Variants in PMS1 observed in about 807,000 individuals in gnomAD.
The protein encoded by PMS1 is PMS1 homolog 1, mismatch repair system component, also known as PMS1 protein homolog 1.
PMS1 carries 79 observed loss-of-function variants against 93.1 expected under a neutral mutation model. That is an observed-to-expected ratio of 0.85 (90% CI 0.71 to 1.02). PMS1 has a LOEUF of 1.02. Ranked by LOEUF, PMS1 falls within the 50% of genes least tolerant of loss-of-function variation. PMS1 has a pLI of 0.00. For missense variants in PMS1, 1,064 were observed against 1,085.3 expected (o/e 0.98, Z 0.28); for synonymous variants, 335 against 363.4 (o/e 0.92, Z 0.89).
intron 5 of PMS1, among the ~76,000 whole-genome samples, chr2:189,836,222 C>T (rs1233246): frequency 0.018 from 2,728 of 152,244 alleles, 78 homozygotes; most frequent in African/African-American, 0.062. Context: ...CTTCAAGTAG[C>T]GTATGTCAGT....
intron 5 of PMS1, among the ~76,000 whole-genome samples, chr2:189,834,913 A>T (rs1441829916): frequency 6.6e-6 from 1 of 152,136 alleles, no homozygotes; most frequent in Non-Finnish European, 1.5e-5. Flanking sequence ...AATTTTTTGT[A>T]GAGACAGGGT....
chr2:189,835,349 ATG>A (rs1342356918), intron 5 of PMS1, among the ~76,000 whole-genome samples: 2 of 152,330 alleles, frequency 1.3e-5, no homozygotes, highest in East Asian at 3.9e-4. Flanking sequence ...TGTCAGTAGA[ATG>A]TGGTTTGTTC....
Position 189,854,789 on chromosome 2 carries a change from A to G in PMS1, c.1517A>G (p.Asn506Ser). 1 of 1,613,678 alleles carries G rather than the reference A, an allele frequency of 6.2e-7. No individual in the cohort carries two copies. The highest frequency in any genetic ancestry group is 1.1e-5 in the South Asian group (1 of 91,064). The stretch of plus-strand genomic sequence containing the variant: ...TGGAGCAGGGGAAATATACTTAAAA[A>G]TTCAGTGGGAGAGAATATTGAACCT... ...DEWSRGNILKNSVGENIEPVK... is the reference protein window; with the variant it reads ...DEWSRGNILKSSVGENIEPVK... The change falls in exon 9 of 13, where the codon AAT (asparagine) becomes AGT (serine). Residue 506 changes from asparagine to serine, a missense_variant. Transcript: ENST00000441310.
chr2:189,788,887 G>A (rs1286889394), intron 1 of PMS1, among the ~76,000 whole-genome samples: 1 of 152,146 alleles, frequency 6.6e-6, no homozygotes. Context: ...CCCTTAGATC[G>A]AGGTAATTCT....
intron 1 of PMS1, 48 bp from the exon 2 acceptor site, chr2:189,791,742 G>T: frequency 1.5e-6 from 2 of 1,354,430 alleles, no homozygotes; most frequent in Non-Finnish European, 2.1e-6. Flanking sequence ...TTGTCCTGTT[G>T]GTCAGGAATG....
intron 9 of PMS1, among the ~76,000 whole-genome samples, chr2:189,862,112 A>G (rs2056079910): frequency 6.6e-6 from 1 of 152,084 alleles, no homozygotes; most frequent in African/African-American, 2.4e-5. Context: ...GACTCCAATG[A>G]CATATATATT....
intron 10 of PMS1, among the ~76,000 whole-genome samples, chr2:189,864,668 AAAAAAAAAAAAAAAAAAAAATATATAT>A (rs1559324214): frequency 2.8e-5 from 1 of 35,896 alleles, no homozygotes; most frequent in Non-Finnish European, 5.1e-5. Context: ...AAAAAAAAAA[AAAAAAAAAAAAAAAAAAAAATATATAT>A]ATATATATAT....
intron 5 of PMS1, among the ~76,000 whole-genome samples, chr2:189,828,010 G>A (rs1056531560): frequency 1.3e-5 from 2 of 150,574 alleles, no homozygotes; most frequent in African/African-American, 4.9e-5. Context: ...TGCAAGCTCC[G>A]CCTCCCGGGT....
rs941119935 is a variant in PMS1 at position 189,840,399 on chromosome 2, G to A, written c.583-3565G>A. 4.6e-5 allele frequency among the ~76,000 whole-genome samples: 7 copies of A among 152,336 alleles called. No homozygotes were observed. The South Asian group carries it at 1.5e-3, about 32-fold the overall frequency. ...CCGAAACTTTGTGATTGGTACAAGAGTAGGTTACAGCCTGTTGACACATCC... is the reference window on the plus strand; with the variant it reads ...CCGAAACTTTGTGATTGGTACAAGAATAGGTTACAGCCTGTTGACACATCC... On this transcript the variant is annotated intron_variant, in intron 5 of 12. Transcript: ENST00000441310.
chr2:189,877,595 G>T lies in PMS1; in HGVS notation c.*159G>T. The T allele has an allele frequency of 1.7e-6, 1 of 599,124 alleles. No homozygotes were observed. Among genetic ancestry groups the T allele is most frequent in the Non-Finnish European group, 3.0e-6 (1 of 338,562 alleles). The allele number at this position is 599,124 out of a possible 1,614,324, so 37.1% of individuals were successfully genotyped here. A position where few individuals can be genotyped will look rare whatever the true frequency, so the allele number is the denominator to read the frequency against. On this transcript the variant is annotated 3_prime_UTR_variant, in exon 13 of 13. Coordinates refer to ENST00000441310, the MANE Select transcript of PMS1 (RefSeq NM_000534.5). ...TATATTGAAAAAAGTTCCACGTATT[G>T]TAGAAAACGTAAATAAACTAATATA...
intron 4 of PMS1, among the ~76,000 whole-genome samples, chr2:189,816,340 A>C (rs1376669321): frequency 6.6e-6 from 1 of 152,012 alleles, no homozygotes; most frequent in Non-Finnish European, 1.5e-5. Context: ...ACTGGGTGTC[A>C]ATTTCTTAAT....
chr2:189,796,441 T>C (rs1056016471), intron 3 of PMS1, among the ~76,000 whole-genome samples: 3 of 152,222 alleles, frequency 2.0e-5, no homozygotes, highest in African/African-American at 7.2e-5. Flanking sequence ...TGGCATTAGC[T>C]ACAGTCACAT....
At chr2:189,793,659 G>C (rs2049089881) in intron 2 of PMS1, among the ~76,000 whole-genome samples, 1 of 152,126 alleles carries the variant, frequency 6.6e-6, no homozygotes, top group Non-Finnish European at 1.5e-5. Flanking sequence ...ATTTCTGGAA[G>C]AAAAACTGGT....
At chr2:189,836,001 A>T (rs1385811444) in intron 5 of PMS1, among the ~76,000 whole-genome samples, 1 of 151,900 alleles carries the variant, frequency 6.6e-6, no homozygotes, top group Non-Finnish European at 1.5e-5. Context: ...TGTGCCTACA[A>T]TTTGCAAGAA....
intron 10 of PMS1, 148 bp downstream of exon 10, chr2:189,864,376 G>T (rs771247828): frequency 7.2e-6 from 5 of 694,888 alleles, no homozygotes; most frequent in Non-Finnish European, 1.2e-5. Flanking sequence ...TTGATTTCTA[G>T]GCCGGGCGCA....
chr2:189,824,484 A>C (rs5743051), intron 5 of PMS1, among the ~76,000 whole-genome samples: 1,549 of 152,042 alleles, frequency 0.01, 21 homozygotes, highest in African/African-American at 0.035. Context: ...TGTTCATATG[A>C]TGAGTAATTT....
At chr2:189,855,968 TAATCC>T (rs2055286630) in intron 9 of PMS1, 1 of 436,580 alleles carries the variant, frequency 2.3e-6, no homozygotes, top group Non-Finnish European at 3.3e-6. Flanking sequence ...ATTTTAAACG[TAATCC>T]ATCATCTGGA....
At chr2:189,812,423 C>T (rs2050928107) in intron 4 of PMS1, among the ~76,000 whole-genome samples, 1 of 152,122 alleles carries the variant, frequency 6.6e-6, no homozygotes, top group African/African-American at 2.4e-5. Flanking sequence ...TCCCACCATG[C>T]ACTACAAGAA....
Position 189,854,461 on chromosome 2 carries a change from G to C in PMS1, c.1189G>C (p.Asp397His). 6 of 1,613,028 alleles carry C rather than the reference G, an allele frequency of 3.7e-6. No individual in the cohort carries two copies. Among genetic ancestry groups the C allele is most frequent in the Non-Finnish European group, 5.1e-6 (6 of 1,179,246 alleles). Reference sequence around the variant, plus strand: ...TCCATTCCAAAATGATATGCATAATGATGAATCTGGAAAAAACACTGATGA... The same window carrying C: ...TCCATTCCAAAATGATATGCATAATCATGAATCTGGAAAAAACACTGATGA... ...VIPFQNDMHN[D>H]ESGKNTDDCL... The change falls in exon 9 of 13, where the codon GAT becomes CAT. Residue 397 changes from aspartate (D) to histidine (H), a missense_variant. Asp to His is a moderately conservative substitution (Grantham distance 81). Coordinates refer to ENST00000441310, the MANE Select transcript of PMS1 (RefSeq NM_000534.5).
Sources: allele counts gnomAD v4.1 joint callset (sites outside exome capture counted in the v4.1 genomes callset), GRCh38; gene constraint gnomAD v4.1.1; transcripts MANE v1.5; gene names NCBI Gene and HGNC (gene_info 2026-07-23, HGNC 2026-07-21).